Variants in PRKCA observed in about 807,000 individuals in gnomAD.
The protein encoded by PRKCA is protein kinase C alpha.
Under a neutral mutation model 87.0 loss-of-function variants are expected in PRKCA, and 27 were observed. The ratio of observed to expected loss-of-function variants is 0.31; its 90% CI spans 0.23 to 0.43. The LOEUF is 0.43. Ranked by LOEUF, PRKCA falls within the 20% of genes least tolerant of loss-of-function variation. The pLI, the probability that PRKCA is intolerant of heterozygous loss-of-function variation, is 1.00. For synonymous variants in PRKCA, 329 were observed against 311.1 expected (o/e 1.06, Z -0.61); for missense variants, 518 against 852.3 (o/e 0.61, Z 4.88).
chr17:66,738,943 G>A, intron 11 of PRKCA, 88 bp downstream of exon 11: 1 of 1,030,616 alleles, frequency 9.7e-7, no homozygotes, highest in Non-Finnish European at 1.5e-6. Flanking sequence ...TTGAGATTGG[G>A]GGTCTCACTC....
At chr17:66,353,706 A>G (rs574708372) in intron 2 of PRKCA, among the ~76,000 whole-genome samples, 1 of 152,272 alleles carries the variant, frequency 6.6e-6, no homozygotes, top group Admixed American at 6.5e-5. Flanking sequence ...ACAGAGCAAG[A>G]CTCTTTCTCA....
chr17:66,582,645 C>G (rs1199813237), intron 3 of PRKCA, among the ~76,000 whole-genome samples: 1 of 152,126 alleles, frequency 6.6e-6, no homozygotes, highest in Non-Finnish European at 1.5e-5. Flanking sequence ...ATACATTGCC[C>G]CATCTTGGGT....
At chr17:66,527,940 G>A (rs2144248740) in intron 3 of PRKCA, among the ~76,000 whole-genome samples, 1 of 152,294 alleles carries the variant, frequency 6.6e-6, no homozygotes, top group East Asian at 1.9e-4. Context: ...GCTCACGCCT[G>A]AAATCCCAGC....
At chr17:66,800,383 C>T (rs556749051) in intron 16 of PRKCA, among the ~76,000 whole-genome samples, 26 of 152,330 alleles carry the variant, frequency 1.7e-4, no homozygotes, top group Admixed American at 9.8e-4. Context: ...CAGACCTCAG[C>T]ACAGGCGGAG....
intron 3 of PRKCA, among the ~76,000 whole-genome samples, chr17:66,579,616 T>C (rs1206752023): frequency 6.6e-6 from 1 of 152,060 alleles, no homozygotes; most frequent in Non-Finnish European, 1.5e-5. Flanking sequence ...GGTGGTGGGA[T>C]TTGGACCCAG....
rs928205632 is a variant in PRKCA, at chr17:66,698,720, C to T, written c.918+9673C>T. 2.6e-5 allele frequency among the ~76,000 whole-genome samples: 4 copies of T among 151,658 alleles called. No homozygotes were observed. The East Asian group carries it at 7.7e-4, about 29-fold the overall frequency. The stretch of plus-strand genomic sequence containing the variant: ...AGGTGTGGTGGTTCATGCTTCTAAT[C>T]CCAGCACTTTGGGGAGACTGAGGCA... On this transcript the variant is annotated intron_variant, in intron 8 of 16. Transcript: ENST00000413366.
intron 5 of PRKCA, among the ~76,000 whole-genome samples, chr17:66,656,948 A>G (rs1971750558): frequency 6.6e-6 from 1 of 152,232 alleles, no homozygotes; most frequent in East Asian, 1.9e-4. Context: ...ATATATTTTC[A>G]GATGTGTTGT....
At chr17:66,496,079 T>C (rs1276727402) in intron 2 of PRKCA, 122 bp from the exon 3 acceptor site, 1 of 736,626 alleles carries the variant, frequency 1.4e-6, no homozygotes, top group Non-Finnish European at 2.3e-6. Context: ...GATTGCTGTT[T>C]ATAAGATTCT....
rs1038309574 is a variant in PRKCA at position 66,809,506 on chromosome 17, A to G, written c.*5469A>G. On this transcript the variant is annotated 3_prime_UTR_variant, in exon 17 of 17. Coordinates refer to ENST00000413366, the MANE Select transcript of PRKCA (RefSeq NM_002737.3). Reference sequence around the variant, plus strand: ...GAACTTTAATAATAATTCTTTAAAAATGAGTTTTTAGAACAAAGCAACTGA... The same window carrying G: ...GAACTTTAATAATAATTCTTTAAAAGTGAGTTTTTAGAACAAAGCAACTGA... The G allele has an allele frequency of 1.3e-5, 2 of 152,326 alleles. No homozygotes were observed. Among genetic ancestry groups the G allele is most frequent in the Non-Finnish European group, 2.9e-5 (2 of 68,030 alleles). 9.4% of individuals were successfully genotyped at this position (152,326 alleles called of 1,614,324 possible).
intron 2 of PRKCA, among the ~76,000 whole-genome samples, chr17:66,392,766 A>G (rs1910439205): frequency 6.6e-6 from 1 of 152,236 alleles, no homozygotes; most frequent in Admixed American, 6.5e-5. Context: ...TATGCTTAAC[A>G]ATTCTATACA....
chr17:66,727,275 G>T (rs1315042913), intron 8 of PRKCA, among the ~76,000 whole-genome samples: 1 of 152,240 alleles, frequency 6.6e-6, no homozygotes, highest in Non-Finnish European at 1.5e-5. Flanking sequence ...ACTCCAGAGA[G>T]AGTGGCGTGC....
intron 8 of PRKCA, among the ~76,000 whole-genome samples, chr17:66,718,123 C>CA: frequency 6.6e-6 from 1 of 152,284 alleles, no homozygotes; most frequent in Non-Finnish European, 1.5e-5. Context: ...GCTGCTATAG[C>CA]AAAATACCAT....
intron 2 of PRKCA, among the ~76,000 whole-genome samples, chr17:66,366,377 C>T (rs190054674): frequency 5.9e-5 from 9 of 152,088 alleles, no homozygotes; most frequent in African/African-American, 1.9e-4. Flanking sequence ...TGTTTTCCAG[C>T]GAGGCTTTTT....
At chr17:66,764,938 A>G (rs1412815002) in intron 13 of PRKCA, among the ~76,000 whole-genome samples, 2 of 152,304 alleles carry the variant, frequency 1.3e-5, no homozygotes, top group East Asian at 3.9e-4. Flanking sequence ...TCCTCAGCCC[A>G]AAGCTGGCTC....
At chr17:66,777,879 CCCG>C in intron 14 of PRKCA, 1 of 985,404 alleles carries the variant, frequency 1.0e-6, no homozygotes, top group Non-Finnish European at 1.2e-6. Context: ...CCTCCTCCCT[CCCG>C]CAGCCTGGCT....
At chr17:66,782,574 C>T (rs961248947) in intron 14 of PRKCA, among the ~76,000 whole-genome samples, 2 of 152,178 alleles carry the variant, frequency 1.3e-5, no homozygotes, top group South Asian at 4.2e-4. Flanking sequence ...AGGTCTCTAG[C>T]GCAGAGGCCA....
At chr17:66,759,225 G>A (rs143651907) in intron 13 of PRKCA, among the ~76,000 whole-genome samples, 4,507 of 151,940 alleles carry the variant, frequency 0.03, 87 homozygotes, top group Middle Eastern at 0.09. Flanking sequence ...GCGTGGTGGC[G>A]GGCACCTGTA....
At chr17:66,430,516 G>T (rs1913046634) in intron 2 of PRKCA, among the ~76,000 whole-genome samples, 1 of 151,932 alleles carries the variant, frequency 6.6e-6, no homozygotes, top group South Asian at 2.1e-4. Flanking sequence ...ATTCTTAAGG[G>T]GTGGTCTCTC....
chr17:66,753,770 G>A (rs9911443), intron 13 of PRKCA, among the ~76,000 whole-genome samples: 23 of 152,094 alleles, frequency 1.5e-4, no homozygotes, highest in African/African-American at 5.3e-4. Flanking sequence ...GCCACAGGAG[G>A]GTGCATATGG....
Sources: allele counts gnomAD v4.1 joint callset (sites outside exome capture counted in the v4.1 genomes callset), GRCh38; gene constraint gnomAD v4.1.1; transcripts MANE v1.5; gene names NCBI Gene and HGNC (gene_info 2026-07-23, HGNC 2026-07-21).